The following MSI2 variants were observed in gnomAD, a reference collection of about 807,000 sequenced individuals.
MSI2 encodes RNA-binding protein Musashi homolog 2.
MSI2 carries 17 observed loss-of-function variants against 45.6 expected under a neutral mutation model. The observed-to-expected ratio is 0.37, with a 90% CI of 0.26 to 0.56. MSI2 has a LOEUF of 0.56. Among genes scored for constraint, MSI2 ranks in the 20% least tolerant of loss-of-function variants. The pLI is 0.77. For missense variants in MSI2, 293 were observed against 444.2 expected (o/e 0.66, Z 3.06); for synonymous variants, 156 against 158.2 (o/e 0.99, Z 0.11).
chr17:57,610,271 T>C lies in MSI2; in HGVS notation c.538-5699T>C, dbSNP rs189292846. Among the ~76,000 whole-genome samples, 304 of 152,002 alleles carry C rather than the reference T, an allele frequency of 2.0e-3. 4 individuals are homozygous for C. Among genetic ancestry groups the C allele is most frequent in the African/African-American group, 7.2e-3 (297 of 41,444 alleles). ...TTCGAGACCAGCCTGGCCAATGTGGTGAAACCCCTGTCTCTACTAAAAATA... is the reference window on the plus strand; with the variant it reads ...TTCGAGACCAGCCTGGCCAATGTGGCGAAACCCCTGTCTCTACTAAAAATA... On this transcript the variant is annotated intron_variant, in intron 8 of 13. Transcript: ENST00000284073.
intron 6 of MSI2, among the ~76,000 whole-genome samples, chr17:57,435,871 C>T (rs1598267541): frequency 1.3e-5 from 2 of 152,240 alleles, no homozygotes; most frequent in African/African-American, 4.8e-5. Context: ...TTTTATCCAT[C>T]CAGGAACTGC....
rs928560122 is a variant in MSI2 at position 57,681,714 on chromosome 17, T to C, written c.*2197T>C. On this transcript the variant is annotated 3_prime_UTR_variant, in exon 14 of 14. Coordinates refer to ENST00000284073, the MANE Select transcript of MSI2 (RefSeq NM_138962.4). ...AGGTTTTTTTGTTGTTTTTTTCCTT[T>C]CTTTGTTTCTTTTCTTTTCCCCCAA... is the stretch of plus-strand genomic sequence containing the variant. The C allele has an allele frequency of 5.2e-6, 1 of 192,952 alleles. No homozygotes were observed. The highest frequency in any genetic ancestry group is 1.1e-5 in the Non-Finnish European group (1 of 92,584). The allele number at this position is 192,952 out of a possible 1,614,324, so 12.0% of individuals were successfully genotyped here. A position where few individuals can be genotyped will look rare whatever the true frequency, so the allele number is the denominator to read the frequency against.
intron 6 of MSI2, among the ~76,000 whole-genome samples, chr17:57,461,073 C>G (rs945128045): frequency 3.3e-5 from 5 of 152,206 alleles, no homozygotes; most frequent in Non-Finnish European, 7.3e-5. Context: ...CCCCTTGTCT[C>G]AGTGCCCCAT....
At chr17:57,475,187 T>A (rs550128660) in intron 6 of MSI2, among the ~76,000 whole-genome samples, 39 of 152,094 alleles carry the variant, frequency 2.6e-4, no homozygotes, top group Admixed American at 1.6e-3. Context: ...AGGCAGGAGT[T>A]TATTGCTGTG....
intron 7 of MSI2, among the ~76,000 whole-genome samples, chr17:57,542,772 G>A (rs192563403): frequency 2.0e-5 from 3 of 152,292 alleles, no homozygotes; most frequent in Non-Finnish European, 4.4e-5. Context: ...TCTGTGTCTG[G>A]GCAGTCTGGC....
intron 6 of MSI2, among the ~76,000 whole-genome samples, chr17:57,404,802 G>T (rs983267959): frequency 5.9e-5 from 9 of 152,238 alleles, no homozygotes; most frequent in African/African-American, 2.2e-4. Flanking sequence ...CACACCGGGA[G>T]CTTTAAATAA....
chr17:57,532,621 C>T lies in MSI2; in HGVS notation c.454+2897C>T, dbSNP rs1469442085. Among the ~76,000 whole-genome samples the T allele has an allele frequency of 2.0e-5, 3 of 152,224 alleles. No homozygotes were observed. The East Asian group carries it at 5.8e-4, about 29-fold the overall frequency. On this transcript the variant is annotated intron_variant, in intron 7 of 13. Transcript: ENST00000284073. ...CCCACATCTGTGGCCTGATGGAGTG[C>T]ACATTTGGAGTCAGGTGATAAGCAC... is the stretch of plus-strand genomic sequence containing the variant.
intron 6 of MSI2, among the ~76,000 whole-genome samples, chr17:57,494,973 T>TA (rs886168697): frequency 3.3e-5 from 5 of 152,018 alleles, no homozygotes; most frequent in South Asian, 4.2e-4. Context: ...AGGAGCCACT[T>TA]AAAAAAAACA....
chr17:57,470,624 C>G (rs1042739948), intron 6 of MSI2, among the ~76,000 whole-genome samples: 4 of 152,226 alleles, frequency 2.6e-5, no homozygotes, highest in Non-Finnish European at 5.9e-5. Context: ...AAGCTTCGCC[C>G]AGACCTAGCT....
chr17:57,314,401 C>T lies in MSI2; in HGVS notation c.312+52209C>T, dbSNP rs373999887. On this transcript the variant is annotated intron_variant, in intron 5 of 13. Transcript: ENST00000284073. ...GGAGTAATTGTGGAAAGGGGTTTCC[C>T]GCCAAAGGGAAAGGTAGGGGTACAG... Among the ~76,000 whole-genome samples the T allele has an allele frequency of 1.7e-3, 263 of 151,974 alleles. 1 individual carries two copies. The highest frequency in any genetic ancestry group is 6.1e-3 in the African/African-American group (253 of 41,418).
chr17:57,314,818 C>A (rs1264592063), intron 5 of MSI2, among the ~76,000 whole-genome samples: 1 of 152,150 alleles, frequency 6.6e-6, no homozygotes, highest in Admixed American at 6.6e-5. Context: ...GATCTGCCCG[C>A]CTCGGTCTCC....
intron 7 of MSI2, among the ~76,000 whole-genome samples, chr17:57,533,384 G>A (rs1182508196): frequency 6.6e-6 from 1 of 152,230 alleles, no homozygotes; most frequent in Non-Finnish European, 1.5e-5. Flanking sequence ...CTTTCTCCTT[G>A]CAGATGGGCC....
rs551602065 is a variant in MSI2, at chr17:57,445,187, T to C, written c.405+43716T>C. ...CTGGTAAATACCCCCGAGCCAGGAA[T>C]GCGTTTGTGAAATTTTTAGGAGATG... On this transcript the variant is annotated intron_variant, in intron 6 of 13. Transcript: ENST00000284073. Among the ~76,000 whole-genome samples the C allele has an allele frequency of 4.6e-5, 7 of 152,248 alleles. No homozygotes were observed. The South Asian group carries it at 1.5e-3, about 32-fold the overall frequency.
At chr17:57,261,265 C>T (rs1907279410) in intron 4 of MSI2, among the ~76,000 whole-genome samples, 1 of 152,104 alleles carries the variant, frequency 6.6e-6, no homozygotes, top group African/African-American at 2.4e-5. Context: ...GTGATTTGGA[C>T]TGGAGGATGT....
chr17:57,463,453 T>A (rs1227409269), intron 6 of MSI2, among the ~76,000 whole-genome samples: 4 of 152,158 alleles, frequency 2.6e-5, no homozygotes, highest in Admixed American at 2.0e-4. Flanking sequence ...TCCCTCCCCA[T>A]GGCCCCACTG....
chr17:57,408,781 G>T (rs1240555772), intron 6 of MSI2, among the ~76,000 whole-genome samples: 4 of 152,174 alleles, frequency 2.6e-5, no homozygotes, highest in Admixed American at 2.0e-4. Flanking sequence ...GCCAGTGGGT[G>T]CAAGGGGTGG....
intron 8 of MSI2, among the ~76,000 whole-genome samples, chr17:57,609,734 C>T (rs1907041622): frequency 6.6e-6 from 1 of 152,236 alleles, no homozygotes; most frequent in Non-Finnish European, 1.5e-5. Context: ...GCTTCGGATC[C>T]ACTGGGGAGG....
At chr17:57,303,427 G>T (rs556391191) in intron 5 of MSI2, among the ~76,000 whole-genome samples, 18 of 152,178 alleles carry the variant, frequency 1.2e-4, no homozygotes, top group Non-Finnish European at 2.1e-4. Flanking sequence ...GTTTAGAAAC[G>T]CAGTGTGAAG....
At chr17:57,385,736 G>A (rs1314782464) in intron 5 of MSI2, among the ~76,000 whole-genome samples, 4 of 152,192 alleles carry the variant, frequency 2.6e-5, no homozygotes, top group African/African-American at 7.2e-5. Flanking sequence ...AGCCTGCCCT[G>A]ACTCTACTGA....
Sources: allele counts gnomAD v4.1 joint callset (sites outside exome capture counted in the v4.1 genomes callset), GRCh38; gene constraint gnomAD v4.1.1; transcripts MANE v1.5; gene names NCBI Gene and HGNC (gene_info 2026-07-23, HGNC 2026-07-21).